XKR9: variants seen among roughly 807,000 people sequenced by gnomAD.
XKR9 encodes XK-related protein 9.
In XKR9, 32 loss-of-function variants were observed where a neutral mutation model predicts 32.0. The observed-to-expected ratio is 1.00, with a 90% CI of 0.76 to 1.34. The LOEUF (loss-of-function observed/expected upper bound fraction) is 1.34. Ranked by LOEUF, XKR9 falls within the 40% of genes most tolerant of loss-of-function variation. The pLI, the probability that XKR9 is intolerant of heterozygous loss-of-function variation, is 0.00. For synonymous variants in XKR9, 168 were observed against 143.4 expected (o/e 1.17, Z -1.22); for missense variants, 546 against 429.7 (o/e 1.27, Z -2.39).
At chr8:70,714,164 A>T (rs971526629) in intron 4 of XKR9, among the ~76,000 whole-genome samples, 1 of 152,130 alleles carries the variant, frequency 6.6e-6, no homozygotes, top group African/African-American at 2.4e-5. Context: ...CTAATGGATT[A>T]GGGCCTCACC....
chr8:70,825,557 C>T, the XKR9 span, among the ~76,000 whole-genome samples: 3 of 152,188 alleles, frequency 2.0e-5, no homozygotes, highest in Non-Finnish European at 4.4e-5. Flanking sequence ...CTAGTTAAAA[C>T]GACATTTCCT....
chr8:70,983,567 G>A, the XKR9 span, among the ~76,000 whole-genome samples: 3 of 151,964 alleles, frequency 2.0e-5, no homozygotes, highest in African/African-American at 4.8e-5. Flanking sequence ...GATCATCTGA[G>A]GTCAGGAGTT....
intron 2 of XKR9, among the ~76,000 whole-genome samples, chr8:70,778,420 G>A (rs1807563295): frequency 6.6e-6 from 1 of 152,124 alleles, no homozygotes; most frequent in South Asian, 2.1e-4. Context: ...GGATTGTCTT[G>A]TCTATGTGAG....
At chr8:70,694,760 G>A (rs942623364) in intron 3 of XKR9, among the ~76,000 whole-genome samples, 1 of 152,218 alleles carries the variant, frequency 6.6e-6, no homozygotes, top group Non-Finnish European at 1.5e-5. Flanking sequence ...TGGAAATGGG[G>A]CCTGTGGGCT....
the XKR9 span, among the ~76,000 whole-genome samples, chr8:70,885,486 G>T: frequency 1.3e-5 from 2 of 152,138 alleles, no homozygotes; most frequent in Non-Finnish European, 2.9e-5. Context: ...TGCCATGGAG[G>T]TTTGCCGCAC....
intron 4 of XKR9, among the ~76,000 whole-genome samples, chr8:70,711,541 A>G (rs995132475): frequency 6.6e-6 from 1 of 152,172 alleles, no homozygotes; most frequent in Non-Finnish European, 1.5e-5. Flanking sequence ...ACCAAATACC[A>G]CAGTGTTCTC....
intron 4 of XKR9, among the ~76,000 whole-genome samples, chr8:70,723,122 C>G (rs1412246703): frequency 1.3e-5 from 2 of 152,006 alleles, no homozygotes; most frequent in African/African-American, 4.8e-5. Context: ...GCATGAAGTT[C>G]TTGTGCTGTG....
chr8:71,040,616 C>T, the XKR9 span, among the ~76,000 whole-genome samples: 1 of 152,090 alleles, frequency 6.6e-6, no homozygotes, highest in Non-Finnish European at 1.5e-5. Context: ...GTCAAAATTA[C>T]TTTCTCCGTG....
the XKR9 span, among the ~76,000 whole-genome samples, chr8:71,052,781 C>T: frequency 2.6e-5 from 4 of 152,220 alleles, no homozygotes; most frequent in Non-Finnish European, 4.4e-5. Context: ...CCGCAGATTG[C>T]GCACTGTGAT....
rs561828291 is a variant in XKR9 at position 70,742,754 on chromosome 8, T to C, written n.352+35601T>C. 1.7e-4 allele frequency among the ~76,000 whole-genome samples: 26 copies of C among 152,266 alleles called. No homozygotes were observed. The South Asian group carries it at 5.2e-3, about 30-fold the overall frequency. ...ATTGTCTGGTCTCCATTGTTTCTGA[T>C]AAAAAGTTAGTGATCATTTACATCA... On this transcript the variant is annotated intron_variant and non_coding_transcript_variant, in intron 2 of 3. Coordinates refer to the XKR9 transcript ENST00000520273.
chr8:70,877,677 T>C, the XKR9 span, among the ~76,000 whole-genome samples: 12 of 152,298 alleles, frequency 7.9e-5, no homozygotes, highest in African/African-American at 2.9e-4. Flanking sequence ...AGACCAAATC[T>C]ACATTTGATT....
chr8:70,839,088 C>CT, the XKR9 span, among the ~76,000 whole-genome samples: 1 of 151,998 alleles, frequency 6.6e-6, no homozygotes, highest in Non-Finnish European at 1.5e-5. Flanking sequence ...ATATGGAAGT[C>CT]TTGCAATATT....
At chr8:70,990,733 AAGAGAGAGAGAGAGAG>A in the XKR9 span, among the ~76,000 whole-genome samples, 4 of 143,316 alleles carry the variant, frequency 2.8e-5, no homozygotes, top group East Asian at 2.1e-4. Flanking sequence ...TTGGCAGAAT[AAGAGAGAGAGAGAGAG>A]AGAGAGAGAG....
chr8:70,798,285 G>T, the XKR9 span, among the ~76,000 whole-genome samples: 32 of 151,824 alleles, frequency 2.1e-4, no homozygotes, highest in African/African-American at 7.5e-4. Context: ...TGTGGTTTTG[G>T]TTTGCATTTC....
rs560946656 is a variant in XKR9 at position 70,696,519 on chromosome 8, T to C, written c.273-10414T>C. ...GATATGCGGCGTTATTTCTGAGGGCTCTGTTCTGTTCCATTGATCTATATC... is the reference window on the plus strand; with the variant it reads ...GATATGCGGCGTTATTTCTGAGGGCCCTGTTCTGTTCCATTGATCTATATC... On this transcript the variant is annotated intron_variant, in intron 3 of 4. Transcript: ENST00000408926. 6.0e-3 allele frequency among the ~76,000 whole-genome samples: 904 copies of C among 150,120 alleles called. 8 individuals are homozygous for C. Among genetic ancestry groups the C allele is most frequent in the African/African-American group, 0.02 (824 of 40,780 alleles).
chr8:70,740,827 G>C (rs1013118625), downstream of XKR9, among the ~76,000 whole-genome samples: 4 of 152,222 alleles, frequency 2.6e-5, no homozygotes, highest in East Asian at 5.8e-4. Context: ...TCCTCTGAAA[G>C]TTTTGTCTCA....
At chr8:70,849,462 C>T in the XKR9 span, among the ~76,000 whole-genome samples, 13 of 152,064 alleles carry the variant, frequency 8.5e-5, no homozygotes, top group African/African-American at 2.4e-4. Context: ...ACACAGCTAT[C>T]GCAGTGTTTA....
the XKR9 span, among the ~76,000 whole-genome samples, chr8:71,053,368 A>C: frequency 2.6e-5 from 4 of 152,240 alleles, no homozygotes; most frequent in African/African-American, 9.6e-5. Flanking sequence ...CACAGGCCCT[A>C]GTTTCTCTCC....
chr8:70,981,044 G>A, the XKR9 span, among the ~76,000 whole-genome samples: 1 of 152,180 alleles, frequency 6.6e-6, no homozygotes, highest in Non-Finnish European at 1.5e-5. Context: ...TAGGTTACCT[G>A]ATGCTTTTGC....
Sources: gnomAD v4.1 joint callset for allele counts (sites outside exome capture counted in the v4.1 genomes callset) on GRCh38, gnomAD v4.1.1 for gene constraint, MANE v1.5 for transcripts, NCBI Gene and HGNC (gene_info 2026-07-23, HGNC 2026-07-21) for gene names.